WNT2: variants seen among roughly 807,000 people sequenced by gnomAD.
WNT2 encodes protein Wnt-2.
Under a neutral mutation model 36.9 loss-of-function variants are expected in WNT2, and 12 were observed. The observed-to-expected ratio is 0.33, with a 90% CI of 0.21 to 0.53. The LOEUF (loss-of-function observed/expected upper bound fraction) is 0.53. WNT2 is among the 20% of genes least tolerant of loss of function. The probability of loss-of-function intolerance (pLI) is 0.95; values close to 1 mark genes in which losing one functional copy is unlikely to be tolerated. For synonymous variants in WNT2, 163 were observed against 174.6 expected, an observed-to-expected ratio of 0.93 and a Z score of 0.52; for missense variants, 379 against 473.1, an observed-to-expected ratio of 0.80 and a Z score of 1.84.
Position 117,290,319 on chromosome 7 carries a change from A to T in WNT2, c.853+7293T>A, listed in dbSNP as rs1794665149. ...AAGGACTAGTTATTGGAGCAGGAGGAAAAGCAGAGGAGTGTAGTTATAAAG... is the reference window on the plus strand; with the variant it reads ...AAGGACTAGTTATTGGAGCAGGAGGTAAAGCAGAGGAGTGTAGTTATAAAG... On this transcript the variant is annotated intron_variant, in intron 4 of 4. Coordinates refer to ENST00000265441, the MANE Select transcript of WNT2 (RefSeq NM_003391.3). 3.3e-5 allele frequency among the ~76,000 whole-genome samples: 5 copies of T among 152,224 alleles called. No individual in the cohort carries two copies. In the South Asian group the frequency reaches 8.3e-4, roughly 25 times the overall value.
intron 2 of WNT2, among the ~76,000 whole-genome samples, chr7:117,316,939 CTT>C (rs1226579106): frequency 6.6e-6 from 1 of 152,194 alleles, no homozygotes; most frequent in Non-Finnish European, 1.5e-5. Context: ...GCTAATGTGA[CTT>C]AATCTCAGAT....
chr7:117,304,586 C>T (rs949739066), intron 3 of WNT2, among the ~76,000 whole-genome samples: 1 of 152,154 alleles, frequency 6.6e-6, no homozygotes, highest in African/African-American at 2.4e-5. Flanking sequence ...CAGGCATCCG[C>T]CACCACGCCC....
chr7:117,292,655 C>A lies in WNT2; in HGVS notation c.853+4957G>T, dbSNP rs543998479. Among the ~76,000 whole-genome samples the A allele has an allele frequency of 2.7e-4, 41 of 152,302 alleles. 1 individual carries two copies. The South Asian group carries it at 7.9e-3, about 29-fold the overall frequency. ...ACTTCAGGACTTCTCTAGAGGCTGACTTGGTAACTGCTGTCAGTAAAAGCT... is the reference window on the plus strand; with the variant it reads ...ACTTCAGGACTTCTCTAGAGGCTGAATTGGTAACTGCTGTCAGTAAAAGCT... On this transcript the variant is annotated intron_variant, in intron 4 of 4. Transcript: ENST00000265441.
intron 2 of WNT2, 128 bp from the exon 3 acceptor site, chr7:117,315,476 T>C (rs1032128630): frequency 1.0e-6 from 1 of 965,918 alleles, no homozygotes. Context: ...GGTACTGATA[T>C]TCTTGAAGGG....
intron 3 of WNT2, among the ~76,000 whole-genome samples, chr7:117,313,438 G>A (rs1319754998): frequency 6.6e-6 from 1 of 152,146 alleles, no homozygotes; most frequent in African/African-American, 2.4e-5. Flanking sequence ...ACCTCTACAC[G>A]GTGAAGAATC....
At position 117,278,022 on chromosome 7, in the gene WNT2, AG is replaced by A; in HGVS notation, c.*132del. On this transcript the variant is annotated 3_prime_UTR_variant, in exon 5 of 5. Transcript: ENST00000265441. ...CATCCTGGGGCCCCCAGGGAGGAAG[AG>A]GGGGCTTCCGTTGAGATAAAGGCCA... 2 of 1,005,594 alleles carry A rather than the reference AG, an allele frequency of 2.0e-6. No homozygotes were observed. The highest frequency in any genetic ancestry group is 1.5e-6 in the Non-Finnish European group (1 of 685,544). The allele number at this position is 1,005,594 out of a possible 1,614,324, so 62.3% of individuals were successfully genotyped here.
chr7:117,315,148 A>G lies in WNT2; in HGVS notation c.511T>C (p.Phe171Leu). The G allele has an allele frequency of 6.2e-7, 1 of 1,614,170 alleles. No homozygotes were observed. The highest frequency in any genetic ancestry group is 8.5e-7 in the Non-Finnish European group (1 of 1,180,016). Reference sequence around the variant, plus strand: ...CCTTTCCTTTCCTTTGCATCCACAAATGCGCGGGCAAATTTGATCCCATAG... The same window carrying G: ...CCTTTCCTTTCCTTTGCATCCACAAGTGCGCGGGCAAATTTGATCCCATAG... ...IDYGIKFARAFVDAKERKGKD... is the reference protein window; with the variant it reads ...IDYGIKFARALVDAKERKGKD... The change falls in exon 3 of 5, where the codon TTT becomes CTT. Residue 171 changes from phenylalanine (F) to leucine (L), a missense_variant. Physicochemically the swap from Phe to Leu is conservative, Grantham distance 22 (BLOSUM62 0). Transcript: ENST00000265441.
intron 4 of WNT2, among the ~76,000 whole-genome samples, chr7:117,280,867 A>G (rs2116323190): frequency 6.6e-6 from 1 of 152,374 alleles, no homozygotes; most frequent in Non-Finnish European, 1.5e-5. Flanking sequence ...AGTGACTACT[A>G]TGTGCTAGGC....
chr7:117,280,942 G>T (rs1047812250), intron 4 of WNT2, among the ~76,000 whole-genome samples: 1 of 152,224 alleles, frequency 6.6e-6, no homozygotes, highest in Non-Finnish European at 1.5e-5. Flanking sequence ...AGGAGCTTAT[G>T]TTCTAAGGGC....
intron 4 of WNT2, 73 bp from the exon 5 acceptor site, chr7:117,278,457 C>G: frequency 7.0e-7 from 1 of 1,422,716 alleles, no homozygotes; most frequent in Non-Finnish European, 9.6e-7. Context: ...GGAGGAGTCA[C>G]GAGGTCCATC....
At chr7:117,295,803 T>C (rs1563201233) in intron 4 of WNT2, among the ~76,000 whole-genome samples, 1 of 152,218 alleles carries the variant, frequency 6.6e-6, no homozygotes, top group Non-Finnish European at 1.5e-5. Context: ...TTCACTTTTC[T>C]TATCTGTACA....
rs1482115125 is a variant in WNT2 at position 117,278,259 on chromosome 7, TAC to T, written c.977_978del (p.Cys326Ter). 1 of 1,614,176 alleles carries T rather than the reference TAC, an allele frequency of 6.2e-7. No homozygotes were observed. The highest frequency in any genetic ancestry group is 2.2e-5 in the East Asian group (1 of 44,856). On this transcript the variant is annotated frameshift_variant, in exon 5 of 5. Coordinates refer to ENST00000265441, the MANE Select transcript of WNT2 (RefSeq NM_003391.3). LOFTEE classifies it high-confidence loss of function. ...CGCACGGCGCAGCACCAGTGGAACT[TAC>T]ACCCACACTTGGTCATCCGGGTGAC... is the stretch of plus-strand genomic sequence containing the variant. ...SHVTRMTKCG[C>X]KFHWCCAVRC...
Position 117,301,767 on chromosome 7 carries a change from G to A in WNT2, c.589-3891C>T, listed in dbSNP as rs529446512. On this transcript the variant is annotated intron_variant, in intron 3 of 4. Transcript: ENST00000265441. ...GTGATTTTGAATTATGATTTGAATT[G>A]TGATTTTGAATTATGCATTCTGTTT... 8.4e-5 allele frequency among the ~76,000 whole-genome samples: 12 copies of A among 142,524 alleles called. No individual in the cohort carries two copies. The South Asian group carries it at 2.8e-3, about 33-fold the overall frequency. The allele number at this position is 142,524 out of a possible 152,430, so 93.5% of individuals were successfully genotyped here.
intron 4 of WNT2, among the ~76,000 whole-genome samples, chr7:117,278,632 T>C (rs1452399945): frequency 6.6e-6 from 1 of 152,242 alleles, no homozygotes; most frequent in Non-Finnish European, 1.5e-5. Flanking sequence ...TTGGATTTCC[T>C]TGGACACCCT....
chr7:117,309,749 A>C (rs759961624), intron 3 of WNT2, among the ~76,000 whole-genome samples: 2 of 152,208 alleles, frequency 1.3e-5, no homozygotes, highest in East Asian at 3.8e-4. Flanking sequence ...AAGAACTCCT[A>C]AACTAAGAGC....
At chr7:117,289,785 G>A (rs1269459459) in intron 4 of WNT2, among the ~76,000 whole-genome samples, 1 of 152,208 alleles carries the variant, frequency 6.6e-6, no homozygotes, top group East Asian at 1.9e-4. Flanking sequence ...ATACAAATTC[G>A]CTATACACAC....
At chr7:117,295,367 C>G (rs562304177) in intron 4 of WNT2, among the ~76,000 whole-genome samples, 1 of 152,212 alleles carries the variant, frequency 6.6e-6, no homozygotes, top group African/African-American at 2.4e-5. Flanking sequence ...GATATATCTG[C>G]TATTTTAGGA....
chr7:117,299,465 T>TTAC (rs1794859961), intron 3 of WNT2, among the ~76,000 whole-genome samples: 1 of 152,074 alleles, frequency 6.6e-6, no homozygotes. Flanking sequence ...ACAGGAAATA[T>TTAC]TACTGCTCCT....
rs141419446 is a variant in WNT2, at chr7:117,277,758, C to T, written c.*397G>A. On this transcript the variant is annotated 3_prime_UTR_variant, in exon 5 of 5. Coordinates refer to ENST00000265441, the MANE Select transcript of WNT2 (RefSeq NM_003391.3). Reference sequence around the variant, plus strand: ...GAAGTATGGAATTTCTTAATTGGGACCATTTGTGGGAAGACATTGAGAAAG... The same window carrying T: ...GAAGTATGGAATTTCTTAATTGGGATCATTTGTGGGAAGACATTGAGAAAG... The T allele has an allele frequency of 3.1e-5, 6 of 194,080 alleles. No homozygotes were observed. The East Asian group carries it at 7.6e-4, about 25-fold the overall frequency. The allele number at this position is 194,080 out of a possible 1,614,324, so 12.0% of individuals were successfully genotyped here.
Sources: gnomAD v4.1 joint callset for allele counts (sites outside exome capture counted in the v4.1 genomes callset) on GRCh38, gnomAD v4.1.1 for gene constraint, MANE v1.5 for transcripts, NCBI Gene and HGNC (gene_info 2026-07-23, HGNC 2026-07-21) for gene names.